ANK2: variants seen among roughly 807,000 people sequenced by gnomAD.
ANK2 encodes ankyrin-2.
A neutral mutation model predicts 360.5 loss-of-function variants in ANK2; 83 were observed. The ratio of observed to expected loss-of-function variants is 0.23; its 90% CI spans 0.19 to 0.28. The LOEUF (loss-of-function observed/expected upper bound fraction) is 0.28. ANK2 is among the 10% of genes least tolerant of loss of function. The pLI is 1.00. For synonymous variants in ANK2, 1,740 were observed against 1,759.5 expected (o/e 0.99, Z 0.28); for missense variants, 4,201 against 4,795.7 (o/e 0.88, Z 3.66).
intron 2 of ANK2, among the ~76,000 whole-genome samples, chr4:112,991,619 C>T (rs376912483): frequency 0.02 from 2,476 of 125,734 alleles, 44 homozygotes; most frequent in Middle Eastern, 0.026. Context: ...TTCTTTCTTT[C>T]TTTTTTTTTT....
chr4:113,273,457 T>A (rs1228505022), intron 14 of ANK2, among the ~76,000 whole-genome samples: 8 of 152,200 alleles, frequency 5.3e-5, no homozygotes, highest in Non-Finnish European at 7.3e-5. Context: ...TATCTCTTCC[T>A]ATAGCTCCTC....
In ANK2 at chr4:113,311,369, G is replaced by T. The variant is rs772853667; in HGVS notation, c.2663G>T (p.Arg888Leu). 6.2e-7 allele frequency: 1 copy of T among 1,614,098 alleles called. No individual in the cohort carries two copies. Among genetic ancestry groups the T allele is most frequent in the Non-Finnish European group, 8.5e-7 (1 of 1,180,016 alleles). The change falls in exon 24 of 46, where the codon CGA becomes CTA. Residue 888 changes from arginine (R) to leucine (L), a missense_variant. By Grantham distance (102) the Arg-to-Leu change is moderately radical. Coordinates refer to ENST00000357077, the MANE Select transcript of ANK2 (RefSeq NM_001148.6). ...TTCCTGGATGGTATGAATTACCTGCGATACAGCTTGGAGGGAGGACGATCT... is the reference window on the plus strand; with the variant it reads ...TTCCTGGATGGTATGAATTACCTGCTATACAGCTTGGAGGGAGGACGATCT... The part of the protein sequence containing the change: ...SQFLDGMNYL[R>L]YSLEGGRSDS...
intron 31 of ANK2, among the ~76,000 whole-genome samples, chr4:113,337,973 T>C (rs1238322521): frequency 2.0e-5 from 3 of 152,226 alleles, no homozygotes. Flanking sequence ...CTAAACACCA[T>C]CTACTCTATT....
chr4:112,999,985 A>G (rs2050045857), intron 2 of ANK2, among the ~76,000 whole-genome samples: 1 of 152,216 alleles, frequency 6.6e-6, no homozygotes, highest in Non-Finnish European at 1.5e-5. Context: ...CATGTAACTC[A>G]TGAAAGACAG....
intron 23 of ANK2, among the ~76,000 whole-genome samples, chr4:113,303,152 A>G (rs2075756385): frequency 1.3e-5 from 2 of 152,204 alleles, no homozygotes; most frequent in Admixed American, 6.5e-5. Context: ...TGATAACACA[A>G]TTGTTATTAA....
At chr4:113,074,665 A>T (rs1435355576) in intron 1 of ANK2, among the ~76,000 whole-genome samples, 1 of 152,198 alleles carries the variant, frequency 6.6e-6, no homozygotes, top group African/African-American at 2.4e-5. Flanking sequence ...CTCAATGTGT[A>T]AAATTTTGAT....
chr4:113,289,219 T>C (rs903628538), intron 20 of ANK2, among the ~76,000 whole-genome samples: 4 of 150,072 alleles, frequency 2.7e-5, no homozygotes, highest in Non-Finnish European at 4.4e-5. Flanking sequence ...CTTTTTCTTT[T>C]TTTTTTTTTT....
the ANK2 span, among the ~76,000 whole-genome samples, chr4:112,713,294 C>T: frequency 6.6e-6 from 1 of 152,096 alleles, no homozygotes; most frequent in South Asian, 2.1e-4. Context: ...CAGGTTGGGG[C>T]AGTGATGAAT....
chr4:113,250,104 T>G (rs180694407), intron 10 of ANK2, among the ~76,000 whole-genome samples: 1 of 152,242 alleles, frequency 6.6e-6, no homozygotes, highest in Non-Finnish European at 1.5e-5. Context: ...TTATTCTTAC[T>G]GCAGATGGAA....
chr4:112,784,258 C>T, the ANK2 span, among the ~76,000 whole-genome samples: 1 of 151,234 alleles, frequency 6.6e-6, no homozygotes. Context: ...GATCATGGCT[C>T]ACCACAGCCT....
the ANK2 span, among the ~76,000 whole-genome samples, chr4:112,782,245 A>G: frequency 3.3e-5 from 5 of 152,336 alleles, no homozygotes; most frequent in Non-Finnish European, 1.5e-5. Context: ...GGATGGGAAT[A>G]GAAGTGAAAC....
upstream of ANK2, among the ~76,000 whole-genome samples, chr4:112,813,339 A>C (rs1033005260): frequency 7.9e-5 from 12 of 152,030 alleles, no homozygotes; most frequent in African/African-American, 2.7e-4. Flanking sequence ...AAAACACTTC[A>C]ACATGTTTCC....
the ANK2 span, among the ~76,000 whole-genome samples, chr4:112,722,913 A>T: frequency 6.6e-6 from 1 of 152,030 alleles, no homozygotes; most frequent in African/African-American, 2.4e-5. Context: ...GCAGTGAGCC[A>T]TGATCACGCC....
At position 113,302,832 on chromosome 4, in the gene ANK2, T is replaced by G. The variant is rs1195147290; in HGVS notation, c.2541T>G (p.Asp847Glu). 6.2e-7 allele frequency: 1 copy of G among 1,612,828 alleles called. No homozygotes were observed. Among genetic ancestry groups the G allele is most frequent in the African/African-American group, 1.3e-5 (1 of 74,922 alleles). The change falls in exon 23 of 46, where the codon GAT (aspartate) becomes GAG (glutamate). Residue 847 changes from aspartate (D) to glutamate (E), a missense_variant. Transcript: ENST00000357077. ...ETMTEVLDVS[D>E]EEGDDTMTGD... ...TGACTGAGGTTCTTGATGTTTCTGA[T>G]GAAGAGGGTAAGACTTCTATTCAAT...
intron 2 of ANK2, among the ~76,000 whole-genome samples, chr4:113,024,891 A>ATT (rs2058936059): frequency 1.3e-5 from 2 of 152,176 alleles, no homozygotes; most frequent in Non-Finnish European, 2.9e-5. Flanking sequence ...TTTCTTTTAG[A>ATT]TAAATAAAAA....
At chr4:112,931,387 T>C (rs1466891671) in intron 2 of ANK2, among the ~76,000 whole-genome samples, 3 of 152,062 alleles carry the variant, frequency 2.0e-5, no homozygotes, top group African/African-American at 7.2e-5. Context: ...AAAAGCTTGA[T>C]TGAATACTAT....
At chr4:112,950,291 A>T (rs1448611583) in intron 2 of ANK2, among the ~76,000 whole-genome samples, 1 of 152,228 alleles carries the variant, frequency 6.6e-6, no homozygotes, top group Non-Finnish European at 1.5e-5. Context: ...TAAATGAAGG[A>T]ACTGATAGAA....
Position 113,353,062 on chromosome 4 carries a change from A to C in ANK2, c.4444A>C (p.Thr1482Pro), listed in dbSNP as rs1060501157. 1.2e-6 allele frequency: 2 copies of C among 1,613,628 alleles called. No homozygotes were observed. Among genetic ancestry groups the C allele is most frequent in the Non-Finnish European group, 1.7e-6 (2 of 1,179,690 alleles). ...CATCAAAGATGATGAGACAGAATCT[A>C]CAGAAACATCTGTCCTGAAAAGTCA... ...TSEKNDETES[T>P]ETSVLKSHLV... Residue 1482 changes from threonine to proline, a missense_variant, in exon 38 of 46, where the codon ACA (threonine) becomes CCA (proline). Around this residue, in one of 4 missense-constraint regions of ANK2, gnomAD observed 1,268 missense variants for 1,650.8 expected, o/e 0.77. Transcript: ENST00000357077.
intron 1 of ANK2, among the ~76,000 whole-genome samples, chr4:113,105,950 G>C (rs2093576461): frequency 6.6e-6 from 1 of 152,150 alleles, no homozygotes; most frequent in Admixed American, 6.6e-5. Context: ...ATTTGGGAGA[G>C]GGATGTGGCA....
Sources: allele counts gnomAD v4.1 joint callset (sites outside exome capture counted in the v4.1 genomes callset), GRCh38; gene constraint gnomAD v4.1.1; regional missense constraint gnomAD v4.1.1; transcripts MANE v1.5; gene names NCBI Gene and HGNC (gene_info 2026-07-23, HGNC 2026-07-21).